Variants in ANKS1B observed in about 807,000 individuals in gnomAD.
The protein encoded by ANKS1B is ankyrin repeat and sterile alpha motif domain containing 1B, also known as ankyrin repeat and sterile alpha motif domain-containing protein 1B.
In ANKS1B, 36 loss-of-function variants were observed where a neutral mutation model predicts 148.3. The ratio of observed to expected loss-of-function variants is 0.24; its 90% CI spans 0.19 to 0.32. The LOEUF is 0.32. Among genes scored for constraint, ANKS1B ranks in the 10% least tolerant of loss-of-function variants. ANKS1B has a pLI of 1.00. For missense variants in ANKS1B, 1,157 were observed against 1,542.6 expected, an observed-to-expected ratio of 0.75 and a Z score of 4.19; for synonymous variants, 542 against 560.8, an observed-to-expected ratio of 0.97 and a Z score of 0.47.
At chr12:98,967,764 A>C (rs1226432590) in intron 17 of ANKS1B, among the ~76,000 whole-genome samples, 6 of 151,498 alleles carry the variant, frequency 4.0e-5, no homozygotes, top group Admixed American at 6.6e-5. Flanking sequence ...AAAAAAAAAA[A>C]AAAAAAAGAA....
intron 1 of ANKS1B, among the ~76,000 whole-genome samples, chr12:99,940,313 T>C (rs2094887756): frequency 1.3e-5 from 2 of 152,138 alleles, no homozygotes; most frequent in Non-Finnish European, 2.9e-5. Flanking sequence ...AAATGAAATG[T>C]ACAATAATGT....
At chr12:99,477,993 A>G (rs1187845239) in intron 10 of ANKS1B, among the ~76,000 whole-genome samples, 1 of 152,216 alleles carries the variant, frequency 6.6e-6, no homozygotes, top group Non-Finnish European at 1.5e-5. Flanking sequence ...GACAAAGAAT[A>G]AATCACAATA....
chr12:99,577,643 C>G (rs1279144216), intron 9 of ANKS1B, among the ~76,000 whole-genome samples: 1 of 151,966 alleles, frequency 6.6e-6, no homozygotes, highest in Non-Finnish European at 1.5e-5. Flanking sequence ...TTCCTGGAAA[C>G]ATACAACCTC....
At chr12:99,284,034 C>G (rs1311099885) in intron 12 of ANKS1B, among the ~76,000 whole-genome samples, 1 of 152,078 alleles carries the variant, frequency 6.6e-6, no homozygotes, top group Non-Finnish European at 1.5e-5. Flanking sequence ...CTGGGTTACC[C>G]TGAGGATTAT....
At chr12:99,453,094 T>G (rs1387878231) in intron 10 of ANKS1B, among the ~76,000 whole-genome samples, 1 of 151,998 alleles carries the variant, frequency 6.6e-6, no homozygotes, top group Non-Finnish European at 1.5e-5. Flanking sequence ...ATCGAGACCA[T>G]CCTGGCTAAC....
At chr12:99,086,717 A>C in intron 15 of ANKS1B, among the ~76,000 whole-genome samples, 1 of 152,224 alleles carries the variant, frequency 6.6e-6, no homozygotes, top group East Asian at 1.9e-4. Context: ...CCTAGATTTT[A>C]ATCTTTCACG....
At chr12:98,752,458 T>C (rs1238140325) in intron 25 of ANKS1B, among the ~76,000 whole-genome samples, 1 of 151,858 alleles carries the variant, frequency 6.6e-6, no homozygotes, top group Non-Finnish European at 1.5e-5. Flanking sequence ...GGGGTTTCAC[T>C]ATGTTGGCCA....
At chr12:98,945,031 A>G (rs2099842941) in intron 17 of ANKS1B, among the ~76,000 whole-genome samples, 1 of 152,208 alleles carries the variant, frequency 6.6e-6, no homozygotes, top group South Asian at 2.1e-4. Flanking sequence ...CTTTTTTAAC[A>G]GCACAGAGAT....
At chr12:98,780,494 C>T (rs2098723779) in intron 24 of ANKS1B, among the ~76,000 whole-genome samples, 1 of 152,200 alleles carries the variant, frequency 6.6e-6, no homozygotes, top group African/African-American at 2.4e-5. Context: ...AGCCCACAAA[C>T]TATTCCCACT....
At chr12:99,894,322 AG>A (rs1565945238) in intron 1 of ANKS1B, among the ~76,000 whole-genome samples, 10 of 94,022 alleles carry the variant, frequency 1.1e-4, no homozygotes, top group East Asian at 8.4e-4. Context: ...GGAGGGAGGG[AG>A]GGAGGGAAAG....
chr12:99,512,711 C>A (rs996134439), intron 9 of ANKS1B, among the ~76,000 whole-genome samples: 5 of 152,088 alleles, frequency 3.3e-5, no homozygotes, highest in African/African-American at 1.2e-4. Flanking sequence ...CCATGGAATA[C>A]TATGCAGCCA....
chr12:99,161,422 G>A (rs548228642), intron 14 of ANKS1B, among the ~76,000 whole-genome samples: 12 of 152,124 alleles, frequency 7.9e-5, no homozygotes, highest in South Asian at 4.1e-4. Flanking sequence ...CCAGCTACTC[G>A]GGAGGCTGAG....
chr12:99,029,928 C>T (rs1262458157), intron 17 of ANKS1B, among the ~76,000 whole-genome samples: 5 of 152,214 alleles, frequency 3.3e-5, no homozygotes, highest in African/African-American at 9.6e-5. Flanking sequence ...TATAAGCAAA[C>T]AGTGATCTGA....
chr12:99,556,699 T>C (rs1197885035), intron 9 of ANKS1B, among the ~76,000 whole-genome samples: 1 of 152,210 alleles, frequency 6.6e-6, no homozygotes, highest in Admixed American at 6.5e-5. Flanking sequence ...TTTCACTGTT[T>C]ACCCAAATGT....
intron 8 of ANKS1B, among the ~76,000 whole-genome samples, chr12:99,748,283 A>G (rs1022901869): frequency 6.6e-6 from 1 of 152,130 alleles, no homozygotes; most frequent in Non-Finnish European, 1.5e-5. Context: ...TGAACACCCA[A>G]CTGATTTTAT....
chr12:99,275,706 T>C (rs971436213), intron 12 of ANKS1B, among the ~76,000 whole-genome samples: 1 of 152,204 alleles, frequency 6.6e-6, no homozygotes, highest in Non-Finnish European at 1.5e-5. Flanking sequence ...ACCTGGCCAC[T>C]TAGTGTCACT....
intron 14 of ANKS1B, among the ~76,000 whole-genome samples, chr12:99,226,025 C>CAGAAA (rs2085881840): frequency 1.3e-5 from 2 of 151,918 alleles, no homozygotes; most frequent in South Asian, 2.1e-4. Flanking sequence ...ACTACCGTTT[C>CAGAAA]AATGGATTTT....
intron 11 of ANKS1B, among the ~76,000 whole-genome samples, chr12:99,425,175 CA>C (rs1399450444): frequency 6.6e-6 from 1 of 151,862 alleles, no homozygotes; most frequent in Non-Finnish European, 1.5e-5. Flanking sequence ...AACACACACC[CA>C]CAGTTGTACA....
intron 17 of ANKS1B, among the ~76,000 whole-genome samples, chr12:98,866,338 T>C (rs2099624566): frequency 6.6e-6 from 1 of 152,194 alleles, no homozygotes; most frequent in Non-Finnish European, 1.5e-5. Context: ...CCTAAATTAA[T>C]ATACTGATTT....
Sources: allele counts gnomAD v4.1 joint callset (sites outside exome capture counted in the v4.1 genomes callset), GRCh38; gene constraint gnomAD v4.1.1; transcripts MANE v1.5; gene names NCBI Gene and HGNC (gene_info 2026-07-23, HGNC 2026-07-21).